Variants in PCM1 observed in about 807,000 individuals in gnomAD.
PCM1 encodes the protein pericentriolar material 1 protein.
PCM1 carries 157 observed loss-of-function variants against 241.9 expected under a neutral mutation model. The ratio of observed to expected loss-of-function variants is 0.65; its 90% CI spans 0.57 to 0.74. The LOEUF (loss-of-function observed/expected upper bound fraction) is 0.74, where lower values mean the gene tolerates loss of function less well. PCM1 is among the 30% of genes least tolerant of loss of function. The pLI is 0.00. For synonymous variants in PCM1, 1,085 were observed against 784.9 expected, an observed-to-expected ratio of 1.38 and a Z score of -6.39; for missense variants, 3,478 against 2,360.1, an observed-to-expected ratio of 1.47 and a Z score of -9.81.
chr8:18,012,330 CTTGCAGTA>C (rs1413011962), intron 34 of PCM1, among the ~76,000 whole-genome samples: 1 of 152,164 alleles, frequency 6.6e-6, no homozygotes, highest in African/African-American at 2.4e-5. Flanking sequence ...AGCAGATAGA[CTTGCAGTA>C]TAACAGTGTT....
At chr8:18,000,125 A>G (rs1455163671) in intron 29 of PCM1, among the ~76,000 whole-genome samples, 1 of 152,194 alleles carries the variant, frequency 6.6e-6, no homozygotes, top group African/African-American at 2.4e-5. Flanking sequence ...ATTTAAGTAG[A>G]GATGTGACTA....
At chr8:17,926,152 T>A (rs1328031816) in intron 2 of PCM1, 3 of 152,156 alleles carry the variant, frequency 2.0e-5, no homozygotes, top group Admixed American at 1.3e-4. Flanking sequence ...ATTACAAAAT[T>A]AGTTATAAGA....
chr8:17,927,954 A>G (rs1474468513), intron 2 of PCM1: 1 of 150,678 alleles, frequency 6.6e-6, no homozygotes, highest in Admixed American at 6.6e-5. Context: ...AAAAAAAAAA[A>G]CCACTAAGGC....
At chr8:17,986,158 T>A in intron 26 of PCM1, 71 bp downstream of exon 26, 1 of 1,080,484 alleles carries the variant, frequency 9.3e-7, no homozygotes, top group South Asian at 2.2e-5. Flanking sequence ...AAATAGATTA[T>A]TGTCAAATTG....
In PCM1 at chr8:17,937,277, A is replaced by G. The variant is rs759650921; in HGVS notation, c.240A>G (p.Pro80=). The G allele has an allele frequency of 1.2e-6, 2 of 1,610,618 alleles. No homozygotes were observed. The highest frequency in any genetic ancestry group is 3.3e-5 in the Admixed American group (2 of 59,728). ...TTGGAAGGCGAAGAACAAAGACTCC[A>G]CATACGTTCCCACACAGTAGATACA... is the stretch of plus-strand genomic sequence containing the variant. ...PGVGRRRTKT[P]HTFPHSRYMS... Residue 80 remains proline, a synonymous_variant, in exon 4 of 39, where the codon CCA becomes CCG. Transcript: ENST00000325083.
At chr8:17,964,348 A>G (rs1178976804) in intron 17 of PCM1, among the ~76,000 whole-genome samples, 1 of 152,160 alleles carries the variant, frequency 6.6e-6, no homozygotes, top group African/African-American at 2.4e-5. Flanking sequence ...TGATTATTTA[A>G]ATGTATTTGA....
intron 23 of PCM1, among the ~76,000 whole-genome samples, chr8:17,978,394 G>A (rs187736658): frequency 5.1e-4 from 77 of 152,004 alleles, no homozygotes; most frequent in Middle Eastern, 6.8e-3. Context: ...GAGAAGTGAG[G>A]GAAACACACA....
intron 7 of PCM1, among the ~76,000 whole-genome samples, chr8:17,950,291 C>G (rs1210048357): frequency 1.3e-5 from 2 of 152,198 alleles, no homozygotes; most frequent in South Asian, 4.1e-4. Flanking sequence ...TACACTATCA[C>G]TTTCCCTTTC....
At chr8:17,989,102 C>T (rs1441588302) in intron 26 of PCM1, among the ~76,000 whole-genome samples, 3 of 151,910 alleles carry the variant, frequency 2.0e-5, no homozygotes, top group South Asian at 2.1e-4. Context: ...GAATACTGTG[C>T]AGCCATTAAA....
chr8:17,955,835 G>A (rs76539874), intron 10 of PCM1, 182 bp downstream of exon 10: 1 of 600,628 alleles, frequency 1.7e-6, no homozygotes, highest in East Asian at 2.8e-5. Context: ...TCTAAGAGAT[G>A]TGATGTAACA....
At chr8:17,957,944 C>G (rs1204492401) in intron 13 of PCM1, among the ~76,000 whole-genome samples, 169 bp downstream of exon 13, 2 of 152,024 alleles carry the variant, frequency 1.3e-5, no homozygotes, top group African/African-American at 4.8e-5. Context: ...GGTCAGCAAC[C>G]TTTTTAAATT....
chr8:17,992,234 ACTT>A (rs2084929973), intron 28 of PCM1, among the ~76,000 whole-genome samples: 1 of 152,018 alleles, frequency 6.6e-6, no homozygotes, highest in Non-Finnish European at 1.5e-5. Context: ...TCATATAATG[ACTT>A]CTTTTCTTCT....
At chr8:17,939,150 C>A (rs1235587425) in intron 5 of PCM1, 141 bp downstream of exon 5, 4 of 702,734 alleles carry the variant, frequency 5.7e-6, no homozygotes, top group South Asian at 4.5e-5. Flanking sequence ...TGTTAATCTG[C>A]CAGATTTACT....
intron 27 of PCM1, among the ~76,000 whole-genome samples, chr8:17,990,559 GA>G (rs561321918): frequency 1.8e-3 from 275 of 150,530 alleles, no homozygotes; most frequent in Non-Finnish European, 3.0e-3. Flanking sequence ...CTGCAGTGGA[GA>G]AAAAATTCGA....
Position 17,985,413 on chromosome 8 carries a change from C to G in PCM1, c.4109-34C>G, listed in dbSNP as rs561613546. The G allele has an allele frequency of 3.6e-4, 533 of 1,462,188 alleles. 1 individual carries two copies. The highest frequency in any genetic ancestry group is 4.7e-4 in the Non-Finnish European group (505 of 1,082,732). 90.6% of individuals were successfully genotyped at this position (1,462,188 alleles called of 1,614,324 possible). A position where few individuals can be genotyped will look rare whatever the true frequency, so the allele number is the denominator to read the frequency against. On this transcript the variant is annotated intron_variant, in intron 24 of 38. Transcript: ENST00000325083. The stretch of plus-strand genomic sequence containing the variant: ...AAAAGTTGTCATGAAGGTACTTCAT[C>G]AATATTAACTTTCTGGTCTTTTATG...
In PCM1 at chr8:17,953,124, A is replaced by T; in HGVS notation, c.1226A>T (p.Lys409Ile). ...AGAGTGCTACAGGAAAAGAAACAAAAAATGGACAAATTGCTTGGAGAACTT... is the reference window on the plus strand; with the variant it reads ...AGAGTGCTACAGGAAAAGAAACAAATAATGGACAAATTGCTTGGAGAACTT... ...KMRVLQEKKQ[K>I]MDKLLGELHT... The change falls in exon 9 of 39, where the codon AAA (lysine) becomes ATA (isoleucine). Residue 409 changes from lysine (K) to isoleucine (I), a missense_variant. Physicochemically the swap from Lys to Ile is moderately radical, Grantham distance 102. Coordinates refer to ENST00000325083, the MANE Select transcript of PCM1 (RefSeq NM_006197.4). The T allele has an allele frequency of 6.3e-7, 1 of 1,594,984 alleles. No individual in the cohort carries two copies. The highest frequency in any genetic ancestry group is 8.5e-7 in the Non-Finnish European group (1 of 1,169,912).
chr8:18,006,083 G>A (rs913234064), intron 29 of PCM1, 180 bp from the exon 30 acceptor site: 15 of 541,314 alleles, frequency 2.8e-5, no homozygotes, highest in Non-Finnish European at 4.5e-5. Context: ...CTCTCAATAC[G>A]TATGAATAAA....
intron 23 of PCM1, among the ~76,000 whole-genome samples, chr8:17,975,096 C>A (rs1451043915): frequency 6.6e-6 from 1 of 152,086 alleles, no homozygotes. Context: ...CTTCAGTATG[C>A]ATTTTGGCAA....
chr8:17,991,861 C>G (rs138353937), intron 28 of PCM1, among the ~76,000 whole-genome samples, 161 bp downstream of exon 28: 93 of 152,202 alleles, frequency 6.1e-4, no homozygotes, highest in African/African-American at 2.0e-3. Context: ...CCCTTCCCAC[C>G]CTTTCCCCTG....
Sources: gnomAD v4.1 joint callset for allele counts (sites outside exome capture counted in the v4.1 genomes callset) on GRCh38, gnomAD v4.1.1 for gene constraint, MANE v1.5 for transcripts, NCBI Gene and HGNC (gene_info 2026-07-23, HGNC 2026-07-21) for gene names.